RAB31: variants seen among roughly 807,000 people sequenced by gnomAD.
RAB31 encodes RAB31, member RAS oncogene family, also known as ras-related protein Rab-31.
Under a neutral mutation model 25.6 loss-of-function variants are expected in RAB31, and 21 were observed. The ratio of observed to expected loss-of-function variants is 0.82; its 90% CI spans 0.58 to 1.18. The LOEUF (loss-of-function observed/expected upper bound fraction) is 1.18, where lower values mean the gene tolerates loss of function less well. Among genes scored for constraint, RAB31 ranks in the 50% most tolerant of loss-of-function variants. The pLI, the probability that RAB31 is intolerant of heterozygous loss-of-function variation, is 0.00. For missense variants in RAB31, 196 were observed against 250.1 expected, an observed-to-expected ratio of 0.78 and a Z score of 1.46; for synonymous variants, 87 against 84.0, an observed-to-expected ratio of 1.04 and a Z score of -0.20.
chr18:9,797,095 T>C (rs1340357263), intron 3 of RAB31, among the ~76,000 whole-genome samples: 2 of 152,234 alleles, frequency 1.3e-5, no homozygotes, highest in Non-Finnish European at 2.9e-5. Context: ...CTGGGGCACC[T>C]CTTTAACTCC....
intron 1 of RAB31, among the ~76,000 whole-genome samples, chr18:9,712,838 T>C (rs1053730599): frequency 6.6e-6 from 1 of 152,240 alleles, no homozygotes; most frequent in African/African-American, 2.4e-5. Context: ...TTCCTACCAC[T>C]TCCTCAATAG....
chr18:9,774,343 A>G (rs1341318734), intron 1 of RAB31, among the ~76,000 whole-genome samples: 1 of 152,044 alleles, frequency 6.6e-6, no homozygotes, highest in Non-Finnish European at 1.5e-5. Flanking sequence ...TGGAGAGTAA[A>G]GCTCTGACCC....
chr18:9,830,731 A>G (rs1455638977), intron 5 of RAB31: 1 of 152,118 alleles, frequency 6.6e-6, no homozygotes, highest in Non-Finnish European at 1.5e-5. Context: ...AATTTTAAGA[A>G]ATCTTATTTT....
At chr18:9,734,116 G>GAGGGAGGGAGGA (rs2068137929) in intron 1 of RAB31, among the ~76,000 whole-genome samples, 1 of 131,658 alleles carries the variant, frequency 7.6e-6, no homozygotes, top group Non-Finnish European at 1.6e-5. Context: ...GGGAGGGAGG[G>GAGGGAGGGAGGA]AGGGAGGGAG....
chr18:9,780,472 T>G (rs1260505121), intron 2 of RAB31, among the ~76,000 whole-genome samples: 1 of 152,238 alleles, frequency 6.6e-6, no homozygotes, highest in Non-Finnish European at 1.5e-5. Flanking sequence ...AAACATTTTG[T>G]TATTTTCTTC....
Position 9,832,631 on chromosome 18 carries a change from G to A in RAB31, c.381-12951G>A, listed in dbSNP as rs547009679. 1.8e-4 allele frequency among the ~76,000 whole-genome samples: 28 copies of A among 152,326 alleles called. No homozygotes were observed. The East Asian group carries it at 5.0e-3, about 27-fold the overall frequency. ...AGACCTTCCTGGCCCACACCCCTCC[G>A]AGCATGTGCTCGAGGGCAGTAGGGA... On this transcript the variant is annotated intron_variant, in intron 5 of 6. Transcript: ENST00000578921.
Position 9,861,806 on chromosome 18 carries a change from T to C in RAB31, c.*2481T>C, listed in dbSNP as rs2068849657. On this transcript the variant is annotated 3_prime_UTR_variant, in exon 7 of 7. Transcript: ENST00000578921. ...GTATCTGTGTAAATATGATTGTATATGTGTTACTCCGATATGTAATCCATT... is the reference window on the plus strand; with the variant it reads ...GTATCTGTGTAAATATGATTGTATACGTGTTACTCCGATATGTAATCCATT... 2 of 152,406 alleles carry C rather than the reference T, an allele frequency of 1.3e-5. No homozygotes were observed. Among genetic ancestry groups the C allele is most frequent in the South Asian group, 4.1e-4 (2 of 4,828 alleles). 9.4% of individuals were successfully genotyped at this position (152,406 alleles called of 1,614,324 possible).
chr18:9,806,012 A>C (rs1229615806), intron 3 of RAB31, among the ~76,000 whole-genome samples: 1 of 151,986 alleles, frequency 6.6e-6, no homozygotes, highest in Admixed American at 6.6e-5. Context: ...GTCTCTACTA[A>C]AAAAATACAA....
At chr18:9,799,041 A>T (rs1223843609) in intron 3 of RAB31, among the ~76,000 whole-genome samples, 1 of 152,128 alleles carries the variant, frequency 6.6e-6, no homozygotes, top group Non-Finnish European at 1.5e-5. Context: ...CTGAGATTGC[A>T]CCACTGTACC....
At chr18:9,746,135 G>A (rs1482018707) in intron 1 of RAB31, among the ~76,000 whole-genome samples, 1 of 152,136 alleles carries the variant, frequency 6.6e-6, no homozygotes, top group Non-Finnish European at 1.5e-5. Flanking sequence ...TGAACAATTT[G>A]AAATTACCAA....
intron 1 of RAB31, chr18:9,758,021 C>T (rs2068268607): frequency 6.6e-6 from 1 of 152,290 alleles, no homozygotes; most frequent in Non-Finnish European, 1.5e-5. Flanking sequence ...AGCAGTTGTT[C>T]CGCACATCCC....
At chr18:9,763,614 ATATATATATG>A (rs1007435059) in intron 1 of RAB31, among the ~76,000 whole-genome samples, 2 of 148,882 alleles carry the variant, frequency 1.3e-5, no homozygotes, top group African/African-American at 2.4e-5. Flanking sequence ...ATATATATAT[ATATATATATG>A]GTGAAAAAGT....
intron 1 of RAB31, among the ~76,000 whole-genome samples, chr18:9,749,633 T>G (rs1298287780): frequency 6.6e-6 from 1 of 152,212 alleles, no homozygotes; most frequent in African/African-American, 2.4e-5. Flanking sequence ...TTTGTCTTCC[T>G]TAAATTAGAA....
At chr18:9,789,287 C>T (rs924932396) in intron 2 of RAB31, among the ~76,000 whole-genome samples, 6 of 152,030 alleles carry the variant, frequency 3.9e-5, no homozygotes, top group African/African-American at 1.2e-4. Context: ...TATAGCTAGA[C>T]GGGAGGAAAA....
At chr18:9,781,707 T>G (rs2068405795) in intron 2 of RAB31, among the ~76,000 whole-genome samples, 1 of 152,188 alleles carries the variant, frequency 6.6e-6, no homozygotes, top group Non-Finnish European at 1.5e-5. Flanking sequence ...TAATTTAACT[T>G]CTTGATTTAA....
chr18:9,786,521 C>T (rs969951835), intron 2 of RAB31, among the ~76,000 whole-genome samples: 1 of 152,202 alleles, frequency 6.6e-6, no homozygotes, highest in African/African-American at 2.4e-5. Flanking sequence ...TGTGGAGGAG[C>T]ACTCTTGGGT....
intron 5 of RAB31, among the ~76,000 whole-genome samples, chr18:9,837,623 C>A (rs1052165691): frequency 3.3e-5 from 5 of 152,154 alleles, no homozygotes; most frequent in African/African-American, 1.2e-4. Flanking sequence ...GGGAAAAACC[C>A]TCAAATAATC....
At chr18:9,713,908 G>A (rs2068030843) in intron 1 of RAB31, among the ~76,000 whole-genome samples, 1 of 152,212 alleles carries the variant, frequency 6.6e-6, no homozygotes, top group African/African-American at 2.4e-5. Context: ...TTATAAGGAC[G>A]CCAACCCCAT....
intron 1 of RAB31, among the ~76,000 whole-genome samples, chr18:9,718,520 A>C (rs2068055508): frequency 6.6e-6 from 1 of 152,178 alleles, no homozygotes; most frequent in South Asian, 2.1e-4. Context: ...CGGCCTCCCA[A>C]AGTGCTGGGA....
Sources: allele counts gnomAD v4.1 joint callset (sites outside exome capture counted in the v4.1 genomes callset), GRCh38; gene constraint gnomAD v4.1.1; transcripts MANE v1.5; gene names NCBI Gene and HGNC (gene_info 2026-07-23, HGNC 2026-07-21).